The following GPHN variants were observed in gnomAD, a reference collection of about 807,000 sequenced individuals.
GPHN encodes gephyrin.
A neutral mutation model predicts 95.5 loss-of-function variants in GPHN; 17 were observed. That is an observed-to-expected ratio of 0.18 (90% CI 0.12 to 0.27). The LOEUF (loss-of-function observed/expected upper bound fraction) is 0.27, where lower values mean the gene tolerates loss of function less well. Ranked by LOEUF, GPHN falls within the 10% of genes least tolerant of loss-of-function variation. The pLI, the probability that GPHN is intolerant of heterozygous loss-of-function variation, is 1.00. For missense variants in GPHN, 660 were observed against 978.1 expected, an observed-to-expected ratio of 0.67 and a Z score of 4.34; for synonymous variants, 320 against 322.5, an observed-to-expected ratio of 0.99 and a Z score of 0.08.
chr14:67,247,314 A>G, the GPHN span, among the ~76,000 whole-genome samples: 1 of 152,196 alleles, frequency 6.6e-6, no homozygotes. Flanking sequence ...ATCAGATTCC[A>G]GTTGATCACT....
chr14:66,859,559 A>G (rs2062943386), intron 4 of GPHN, among the ~76,000 whole-genome samples: 1 of 152,216 alleles, frequency 6.6e-6, no homozygotes, highest in Admixed American at 6.6e-5. Context: ...CTTCAATGCC[A>G]GAAACACTGA....
At position 67,178,882 on chromosome 14, in the gene GPHN, C is replaced by T. The variant is rs2083164515; in HGVS notation, c.2080-696C>T. On this transcript the variant is annotated intron_variant, in intron 21 of 22. Coordinates refer to ENST00000478722, the MANE Select transcript of GPHN (RefSeq NM_020806.5). Reference sequence around the variant, plus strand: ...CTAGCAGTAGATTTATCTGCAGAAACCTTAAGGCCAGAAGGGAAGGGAATG... The same window carrying T: ...CTAGCAGTAGATTTATCTGCAGAAATCTTAAGGCCAGAAGGGAAGGGAATG... 1.3e-5 allele frequency among the ~76,000 whole-genome samples: 2 copies of T among 151,972 alleles called. 1 individual carries two copies. Among genetic ancestry groups the T allele is most frequent in the South Asian group, 4.2e-4 (2 of 4,808 alleles).
the GPHN span, among the ~76,000 whole-genome samples, chr14:67,439,593 C>CTTTCTTTTTCTTTCTTTCCTTCT: frequency 6.4e-5 from 7 of 109,764 alleles, no homozygotes; most frequent in African/African-American, 2.4e-4. Context: ...TTCTTTCTTT[C>CTTTCTTTTTCTTTCTTTCCTTCT]TTCTTTCTTT....
At chr14:67,695,531 C>T in the GPHN span, 5 of 1,241,960 alleles carry the variant, frequency 4.0e-6, no homozygotes, top group East Asian at 7.5e-5. Context: ...TTGGAGCCCC[C>T]CCAGGGGAGT....
At chr14:67,241,940 A>C in the GPHN span, 1 of 152,158 alleles carries the variant, frequency 6.6e-6, no homozygotes, top group Non-Finnish European at 1.5e-5. Context: ...GCTTTCCTTT[A>C]GAAGTCAGAA....
intron 2 of GPHN, among the ~76,000 whole-genome samples, chr14:66,773,436 C>T (rs1429535231): frequency 6.7e-6 from 1 of 150,270 alleles, no homozygotes; most frequent in Non-Finnish European, 1.5e-5. Flanking sequence ...TCACTGCAAC[C>T]TCTGTCTCCC....
At chr14:67,504,753 C>T in the GPHN span, among the ~76,000 whole-genome samples, 5 of 151,974 alleles carry the variant, frequency 3.3e-5, no homozygotes, top group East Asian at 5.8e-4. Flanking sequence ...GGCGTGGTGG[C>T]GGGTGCCCAT....
chr14:67,304,141 G>T, the GPHN span: 1 of 153,320 alleles, frequency 6.5e-6, no homozygotes, highest in Admixed American at 6.5e-5. Flanking sequence ...TTATAGGTGG[G>T]TTTACTTAAC....
At chr14:66,594,745 G>A (rs527300366) in intron 1 of GPHN, among the ~76,000 whole-genome samples, 1 of 152,164 alleles carries the variant, frequency 6.6e-6, no homozygotes, top group Non-Finnish European at 1.5e-5. Flanking sequence ...AAAGCTCTCT[G>A]TCATTGGTAT....
intron 1 of GPHN, among the ~76,000 whole-genome samples, chr14:66,620,717 C>G (rs1410706773): frequency 6.6e-6 from 1 of 152,104 alleles, no homozygotes; most frequent in East Asian, 1.9e-4. Context: ...ACCAGTCATG[C>G]CTTCCCAACA....
At chr14:67,054,135 T>C (rs191347167) in intron 10 of GPHN, among the ~76,000 whole-genome samples, 2 of 152,134 alleles carry the variant, frequency 1.3e-5, no homozygotes, top group East Asian at 3.9e-4. Flanking sequence ...GAGAAAGAAA[T>C]AAAGCATATT....
intron 1 of GPHN, among the ~76,000 whole-genome samples, chr14:66,586,750 G>T (rs895653095): frequency 6.6e-6 from 1 of 152,038 alleles, no homozygotes; most frequent in Non-Finnish European, 1.5e-5. Context: ...TTTCTGCAAC[G>T]AAAGCATTTC....
intron 2 of GPHN, among the ~76,000 whole-genome samples, chr14:66,750,213 G>GT (rs2058315845): frequency 6.6e-6 from 1 of 151,834 alleles, no homozygotes; most frequent in African/African-American, 2.4e-5. Flanking sequence ...ATATTTTTAT[G>GT]TTTTACATTT....
chr14:66,846,139 T>A (rs923020121), intron 4 of GPHN, among the ~76,000 whole-genome samples: 6 of 152,176 alleles, frequency 3.9e-5, no homozygotes, highest in African/African-American at 1.2e-4. Context: ...TCTCATTTGT[T>A]AATTCAACAA....
At chr14:67,702,249 A>C in the GPHN span, among the ~76,000 whole-genome samples, 26 of 152,242 alleles carry the variant, frequency 1.7e-4, no homozygotes, top group East Asian at 2.3e-3. Flanking sequence ...GATTACACAC[A>C]TGAGCCACCA....
chr14:67,483,141 G>T, the GPHN span, among the ~76,000 whole-genome samples: 2 of 152,186 alleles, frequency 1.3e-5, no homozygotes, highest in Admixed American at 6.5e-5. Context: ...CTCCCAAGAG[G>T]CTGGGATTAT....
At chr14:67,222,212 T>C in the GPHN span, among the ~76,000 whole-genome samples, 1 of 152,188 alleles carries the variant, frequency 6.6e-6, no homozygotes, top group African/African-American at 2.4e-5. Context: ...TTTTGGTAAA[T>C]GTAAAATTAT....
chr14:66,533,945 A>G (rs2059036942), intron 1 of GPHN, among the ~76,000 whole-genome samples: 6 of 152,176 alleles, frequency 3.9e-5, no homozygotes, highest in Admixed American at 3.3e-4. Context: ...TAGTAGGTAA[A>G]GAAACTAAGA....
chr14:67,367,729 G>T, the GPHN span, among the ~76,000 whole-genome samples: 61 of 151,894 alleles, frequency 4.0e-4, no homozygotes, highest in Non-Finnish European at 7.5e-4. Context: ...CCAGCTTCTC[G>T]GGCGGCTGAG....
Sources: gnomAD v4.1 joint callset for allele counts (sites outside exome capture counted in the v4.1 genomes callset) on GRCh38, gnomAD v4.1.1 for gene constraint, MANE v1.5 for transcripts, NCBI Gene and HGNC (gene_info 2026-07-23, HGNC 2026-07-21) for gene names.